ATP8B1: variants seen among roughly 807,000 people sequenced by gnomAD.
The protein encoded by ATP8B1 is phospholipid-transporting ATPase IC.
ATP8B1 carries 80 observed loss-of-function variants against 149.9 expected under a neutral mutation model. That is an observed-to-expected ratio of 0.53 (90% confidence interval 0.45 to 0.64). The LOEUF (loss-of-function observed/expected upper bound fraction) is 0.64. ATP8B1 is among the 30% of genes least tolerant of loss of function. The pLI is 0.00. For missense variants in ATP8B1, 1,247 were observed against 1,552.6 expected, an observed-to-expected ratio of 0.80 and a Z score of 3.31; for synonymous variants, 536 against 562.8, an observed-to-expected ratio of 0.95 and a Z score of 0.67.
At chr18:57,693,134 C>A (rs1164650375) in intron 11 of ATP8B1, among the ~76,000 whole-genome samples, 1 of 152,108 alleles carries the variant, frequency 6.6e-6, no homozygotes, top group Non-Finnish European at 1.5e-5. Flanking sequence ...GAAAATGTTT[C>A]TTAAATTATT....
In ATP8B1 at chr18:57,774,037, C is replaced by T. The variant is rs770495064; in HGVS notation, c.-26+28961G>A. Among the ~76,000 whole-genome samples the T allele has an allele frequency of 7.2e-5, 11 of 152,106 alleles. 1 individual carries two copies. The highest frequency in any genetic ancestry group is 1.5e-4 in the Non-Finnish European group (10 of 68,032). The stretch of plus-strand genomic sequence containing the variant: ...GTTCTCACTTCTCTCAGAGTAAAAC[C>T]CAAAATCTACCTGCTCTCTTTCCCT... On this transcript the variant is annotated intron_variant, in intron 1 of 27. Transcript: ENST00000648908.
At chr18:57,712,339 G>A (rs760876419) in intron 2 of ATP8B1, among the ~76,000 whole-genome samples, 14 of 152,150 alleles carry the variant, frequency 9.2e-5, no homozygotes, top group Non-Finnish European at 1.8e-4. Context: ...ACGCTTGGGA[G>A]AGGGACAGTG....
chr18:57,719,602 G>C (rs537276953), intron 2 of ATP8B1, among the ~76,000 whole-genome samples: 20 of 152,316 alleles, frequency 1.3e-4, no homozygotes, highest in African/African-American at 4.8e-4. Context: ...CTGGCTCGGA[G>C]GGTCCTACGC....
At chr18:57,765,667 T>C (rs2080204878) in intron 1 of ATP8B1, among the ~76,000 whole-genome samples, 2 of 141,576 alleles carry the variant, frequency 1.4e-5, no homozygotes, top group African/African-American at 5.5e-5. Context: ...AGACTCTGTC[T>C]CAAAAGAAAA....
intron 2 of ATP8B1, chr18:57,731,327 AT>A (rs2123132195): frequency 0.02 from 5 of 252 alleles, 2 homozygotes; most frequent in South Asian, 0.083. Context: ...ATATATATAT[AT>A]ATATATATAT....
At chr18:57,759,155 C>CAAAAAAAAAAAAAAAAAAAAA (rs566728161) in intron 1 of ATP8B1, among the ~76,000 whole-genome samples, 76 of 106,272 alleles carry the variant, frequency 7.2e-4, no homozygotes, top group South Asian at 3.9e-3. Flanking sequence ...GATTCCATCT[C>CAAAAAAAAAAAAAAAAAAAAA]AAAAAAAAAA....
chr18:57,785,011 C>T (rs760811390), intron 1 of ATP8B1, among the ~76,000 whole-genome samples: 2 of 152,184 alleles, frequency 1.3e-5, no homozygotes, highest in East Asian at 1.9e-4. Flanking sequence ...AAAAAGTTCA[C>T]GGGCAGGCCA....
At chr18:57,798,746 C>T (rs534633113) in intron 1 of ATP8B1, among the ~76,000 whole-genome samples, 1 of 152,288 alleles carries the variant, frequency 6.6e-6, no homozygotes, top group African/African-American at 2.4e-5. Context: ...GAGACAGCAA[C>T]CAGGCCCCCT....
chr18:57,695,414 A>C (rs1912759490), intron 9 of ATP8B1, 36 bp downstream of exon 9: 3 of 1,599,198 alleles, frequency 1.9e-6, no homozygotes, highest in Non-Finnish European at 2.6e-6. Flanking sequence ...CAAGCAACTA[A>C]AATTTAAAGC....
chr18:57,789,648 A>G (rs1421235489), intron 1 of ATP8B1, among the ~76,000 whole-genome samples: 1 of 152,110 alleles, frequency 6.6e-6, no homozygotes, highest in African/African-American at 2.4e-5. Flanking sequence ...CCTTTCCCAC[A>G]TCTGAGAACG....
intron 17 of ATP8B1, among the ~76,000 whole-genome samples, chr18:57,669,935 AC>A (rs940816608): frequency 6.6e-6 from 1 of 152,184 alleles, no homozygotes; most frequent in African/African-American, 2.4e-5. Flanking sequence ...GAGCCACTGC[AC>A]CCAGCCTAAA....
chr18:57,687,114 A>G (rs918703283), intron 13 of ATP8B1, among the ~76,000 whole-genome samples: 1 of 152,120 alleles, frequency 6.6e-6, no homozygotes, highest in Admixed American at 6.6e-5. Context: ...TAGGCATGAG[A>G]CACTGCACCC....
At position 57,691,934 on chromosome 18, in the gene ATP8B1, G is replaced by T. The variant is rs771875476; in HGVS notation, c.1093C>A (p.Gln365Lys). The T allele has an allele frequency of 1.2e-6, 2 of 1,614,170 alleles. No homozygotes were observed. Among genetic ancestry groups the T allele is most frequent in the Admixed American group, 3.3e-5 (2 of 60,012 alleles). Residue 365 changes from glutamine to lysine, a missense_variant, in exon 12 of 28, where the codon CAG (glutamine) becomes AAG (lysine). This residue lies in a region of ATP8B1 where 853 missense variants were observed against 1,035.7 expected (regional missense o/e 0.82). Coordinates refer to ENST00000648908, the MANE Select transcript of ATP8B1 (RefSeq NM_001374385.1). ...LAIGHAYWEAQVGNSSWYLYD... is the reference protein window; with the variant it reads ...LAIGHAYWEAKVGNSSWYLYD... ...AGGTACCAAGAGGAATTGCCCACCT[G>T]TGCTTCCCAATAAGCATGGCCGATG... is the stretch of plus-strand genomic sequence containing the variant.
chr18:57,738,756 ATGC>A (rs2079883345), intron 1 of ATP8B1, among the ~76,000 whole-genome samples: 1 of 152,162 alleles, frequency 6.6e-6, no homozygotes, highest in Non-Finnish European at 1.5e-5. Flanking sequence ...CTCCCTGGAA[ATGC>A]TGCGAGATCC....
At chr18:57,749,262 C>T (rs1365615427) in intron 1 of ATP8B1, among the ~76,000 whole-genome samples, 1 of 152,074 alleles carries the variant, frequency 6.6e-6, no homozygotes, top group Non-Finnish European at 1.5e-5. Flanking sequence ...CCAGCCCCTA[C>T]CCCACAAAGG....
intron 1 of ATP8B1, among the ~76,000 whole-genome samples, chr18:57,780,582 A>G (rs2080347978): frequency 1.3e-5 from 2 of 152,220 alleles, no homozygotes; most frequent in African/African-American, 2.4e-5. Flanking sequence ...CTACTTAGTA[A>G]TCAGGAGTCC....
intron 23 of ATP8B1, among the ~76,000 whole-genome samples, chr18:57,654,475 T>C (rs1177002035): frequency 6.7e-6 from 1 of 149,214 alleles, no homozygotes; most frequent in African/African-American, 2.5e-5. Flanking sequence ...CACGCCACCA[T>C]GTCTGGCTAA....
intron 24 of ATP8B1, 71 bp from the exon 25 acceptor site, chr18:57,652,800 T>C (rs1909713934): frequency 1.9e-6 from 3 of 1,601,370 alleles, no homozygotes; most frequent in African/African-American, 2.7e-5. Flanking sequence ...TTATAATTAA[T>C]ATCTCACAAA....
rs572080794 is a variant in ATP8B1, at chr18:57,690,564, C to T, written c.1220+1243G>A. Among the ~76,000 whole-genome samples the T allele has an allele frequency of 4.6e-5, 7 of 152,276 alleles. No homozygotes were observed. The East Asian group carries it at 1.3e-3, about 29-fold the overall frequency. ...GGCAAAATTATCTATGTAATAGTTC[C>T]CTTGACAAAGGTAACACTCAACTCG... On this transcript the variant is annotated intron_variant, in intron 12 of 27. Coordinates refer to ENST00000648908, the MANE Select transcript of ATP8B1 (RefSeq NM_001374385.1).
Sources: gnomAD v4.1 joint callset for allele counts (sites outside exome capture counted in the v4.1 genomes callset) on GRCh38, gnomAD v4.1.1 for gene constraint, gnomAD v4.1.1 regional missense constraint, MANE v1.5 for transcripts, NCBI Gene and HGNC (gene_info 2026-07-23, HGNC 2026-07-21) for gene names.